The following ZNF106 variants were observed in gnomAD, a reference collection of about 807,000 sequenced individuals.
ZNF106 encodes the protein SH3-domain binding protein 3.
ZNF106 carries 67 observed loss-of-function variants against 195.1 expected under a neutral mutation model. The observed-to-expected ratio is 0.34, with a 90% CI of 0.28 to 0.42. ZNF106 has a LOEUF of 0.42. Among genes scored for constraint, ZNF106 ranks in the 10% least tolerant of loss-of-function variants. The pLI is 1.00. For synonymous variants in ZNF106, 784 were observed against 818.6 expected (o/e 0.96, Z 0.72); for missense variants, 2,118 against 2,304.5 (o/e 0.92, Z 1.66).
rs2054635589 is a variant in ZNF106 at position 42,421,046 on chromosome 15, A to G, written c.5517+15T>C. 2 of 1,613,450 alleles carry G rather than the reference A, an allele frequency of 1.2e-6. No homozygotes were observed. Among genetic ancestry groups the G allele is most frequent in the Non-Finnish European group, 1.7e-6 (2 of 1,179,378 alleles). On this transcript the variant is annotated intron_variant, in intron 20 of 21. Coordinates refer to ENST00000564754, the MANE Select transcript of ZNF106 (RefSeq NM_001366845.3). Reference sequence around the variant, plus strand: ...CCTATAGAAGTCCAGTGACAGGAAGAGTTTCACTCCTTACCCAACAGCGGT... The same window carrying G: ...CCTATAGAAGTCCAGTGACAGGAAGGGTTTCACTCCTTACCCAACAGCGGT...
chr15:42,475,854 G>T (rs1032211035), intron 1 of ZNF106, among the ~76,000 whole-genome samples: 1 of 152,232 alleles, frequency 6.6e-6, no homozygotes, highest in Middle Eastern at 3.4e-3. Context: ...AAACTTAGAA[G>T]CAATAAAGTC....
chr15:42,488,785 A>C (rs1305344502), intron 1 of ZNF106, among the ~76,000 whole-genome samples: 1 of 152,134 alleles, frequency 6.6e-6, no homozygotes, highest in African/African-American at 2.4e-5. Flanking sequence ...CTTTTAATCA[A>C]AACAATTGAG....
intron 1 of ZNF106, among the ~76,000 whole-genome samples, chr15:42,474,509 A>C: frequency 6.6e-6 from 1 of 152,198 alleles, no homozygotes; most frequent in East Asian, 1.9e-4. Flanking sequence ...CTGTAATCAC[A>C]GCACCTTGGG....
At position 42,473,385 on chromosome 15, in the gene ZNF106, C is replaced by T. The variant is rs1181368255; in HGVS notation, c.-32-1064G>A. On this transcript the variant is annotated intron_variant, in intron 1 of 21. Coordinates refer to ENST00000564754, the MANE Select transcript of ZNF106 (RefSeq NM_001366845.3). ...CAATATCTGTTTCTCTCTTCCTCTC[C>T]GAATCATTCGCATGCCCTCCCGTTC... Among the ~76,000 whole-genome samples, 3 of 152,134 alleles carry T rather than the reference C, an allele frequency of 2.0e-5. No homozygotes were observed. In the East Asian group the frequency reaches 5.8e-4, roughly 29 times the overall value.
rs374963027 is a variant in ZNF106, at chr15:42,457,122, T to G, written c.153A>C (p.Thr51=). Residue 51 remains threonine, a synonymous_variant, in exon 4 of 22, where the codon ACA becomes ACC. Transcript: ENST00000564754. ...ISHECRVCGV[T]EVGLSAYAKH... ...TTGCATATGCAGAAAGACCCACTTC[T>G]GTGACCCCGCACACTCGGCACTCAT... 6.2e-7 allele frequency: 1 copy of G among 1,614,034 alleles called. No homozygotes were observed. Among genetic ancestry groups the G allele is most frequent in the African/African-American group, 1.3e-5 (1 of 74,914 alleles).
intron 1 of ZNF106, among the ~76,000 whole-genome samples, chr15:42,476,676 T>C (rs2056790945): frequency 6.6e-6 from 1 of 152,090 alleles, no homozygotes; most frequent in Non-Finnish European, 1.5e-5. Flanking sequence ...AAGTGGATCA[T>C]CATAAAGGTC....
intron 1 of ZNF106, among the ~76,000 whole-genome samples, chr15:42,486,297 T>C (rs113623619): frequency 1.5e-3 from 225 of 151,366 alleles, no homozygotes; most frequent in African/African-American, 4.3e-3. Flanking sequence ...GTTTGTTCTA[T>C]CACCTGGGGT....
At chr15:42,425,808 A>G (rs2054832987) in intron 15 of ZNF106, 1 of 152,202 alleles carries the variant, frequency 6.6e-6, no homozygotes, top group African/African-American at 2.4e-5. Context: ...CCACCTTATT[A>G]TGATGTTCTT....
At chr15:42,432,707 TAAA>T (rs36106729) in intron 14 of ZNF106, among the ~76,000 whole-genome samples, 2,815 of 123,962 alleles carry the variant, frequency 0.023, 104 homozygotes, top group African/African-American at 0.075. Context: ...ACCGTATTTC[TAAA>T]AAAAAAAAAA....
rs770279074 is a variant in ZNF106, at chr15:42,444,230, A to G, written c.3393T>C (p.His1131=). The part of the protein sequence containing the change: ...ITMEMSALRT[H]RIQILQGLQE... ...GTAATCCCTGTAGAATCTGTATTCTATGGGTCCTCAGTGCACTCATCTCCA... is the reference window on the plus strand; with the variant it reads ...GTAATCCCTGTAGAATCTGTATTCTGTGGGTCCTCAGTGCACTCATCTCCA... Residue 1131 remains histidine, a synonymous_variant, in exon 9 of 22, where the codon CAT becomes CAC. Transcript: ENST00000564754. 6.2e-7 allele frequency: 1 copy of G among 1,610,514 alleles called. No homozygotes were observed. Among genetic ancestry groups the G allele is most frequent in the East Asian group, 2.2e-5 (1 of 44,852 alleles).
At chr15:42,419,885 G>A (rs1226627316) in intron 20 of ZNF106, among the ~76,000 whole-genome samples, 1 of 152,168 alleles carries the variant, frequency 6.6e-6, no homozygotes. Flanking sequence ...GGGAGTCGGA[G>A]GTTGCAGTGA....
rs2054363315 is a variant in ZNF106, at chr15:42,414,200, C to T, written c.*3104G>A. 6.6e-6 allele frequency: 1 copy of T among 152,142 alleles called. No individual in the cohort carries two copies. Among genetic ancestry groups the T allele is most frequent in the South Asian group, 2.1e-4 (1 of 4,836 alleles). The allele number at this position is 152,142 out of a possible 1,614,324, so 9.4% of individuals were successfully genotyped here. On this transcript the variant is annotated 3_prime_UTR_variant, in exon 22 of 22. Transcript: ENST00000564754. Reference sequence around the variant, plus strand: ...CACAGATCCCTGAGCCATAGCTCTTCTCTGAGGGGAAACAGGGTTATAATC... The same window carrying T: ...CACAGATCCCTGAGCCATAGCTCTTTTCTGAGGGGAAACAGGGTTATAATC...
chr15:42,486,527 AG>A (rs1332199347), intron 1 of ZNF106, among the ~76,000 whole-genome samples: 1 of 152,116 alleles, frequency 6.6e-6, no homozygotes, highest in Non-Finnish European at 1.5e-5. Context: ...CCAAAGTGCT[AG>A]GATTACAGGT....
Position 42,439,716 on chromosome 15 carries a change from C to T in ZNF106, c.3861G>A (p.Leu1287=). 6.2e-7 allele frequency: 1 copy of T among 1,613,896 alleles called. No individual in the cohort carries two copies. The highest frequency in any genetic ancestry group is 8.5e-7 in the Non-Finnish European group (1 of 1,179,952). Residue 1287 remains leucine (L), a synonymous_variant, in exon 11 of 22, where the codon CTG becomes CTA. Coordinates refer to ENST00000564754, the MANE Select transcript of ZNF106 (RefSeq NM_001366845.3). ...TATTTCTTTGCTCCACAGAAAACTT[C>T]AGTTCTTGGCTAGGCTCATGGAAAC... is the stretch of plus-strand genomic sequence containing the variant. ...TESFHEPSQE[L]KFSVEQRNTR...
chr15:42,489,604 A>G (rs559345261), intron 1 of ZNF106, among the ~76,000 whole-genome samples: 28 of 152,360 alleles, frequency 1.8e-4, no homozygotes, highest in African/African-American at 5.8e-4. Flanking sequence ...TGTAGTAGAT[A>G]CTAAATAAAT....
rs2055577662 is a variant in ZNF106, at chr15:42,442,383, C to G, written c.3453G>C (p.Gln1151His). ...ETYEPSEHPD[Q>H]VPCSLTRERR... is the part of the protein sequence containing the mutation. Reference sequence around the variant, plus strand: ...GTTCTCGTGTGAGGCTACAGGGAACCTGGTCTGGGTGCTCAGAAGGTTCAT... The same window carrying G: ...GTTCTCGTGTGAGGCTACAGGGAACGTGGTCTGGGTGCTCAGAAGGTTCAT... Residue 1151 changes from glutamine (Q) to histidine (H), a missense_variant, in exon 10 of 22, where the codon CAG (glutamine) becomes CAC (histidine). By Grantham distance (24) the Gln-to-His change is conservative. Transcript: ENST00000564754. 6.2e-7 allele frequency: 1 copy of G among 1,613,828 alleles called. No homozygotes were observed. Among genetic ancestry groups the G allele is most frequent in the East Asian group, 2.2e-5 (1 of 44,888 alleles).
At chr15:42,432,600 T>C (rs1256069670) in intron 14 of ZNF106, among the ~76,000 whole-genome samples, 1 of 151,668 alleles carries the variant, frequency 6.6e-6, no homozygotes, top group African/African-American at 2.4e-5. Context: ...TGCCTGGGCA[T>C]GGTGGTGCAT....
intron 14 of ZNF106, 64 bp downstream of exon 14, chr15:42,435,320 T>TC: frequency 6.2e-7 from 1 of 1,604,114 alleles, no homozygotes; most frequent in Non-Finnish European, 8.5e-7. Context: ...GTGTCTCCAC[T>TC]CCACACAGTA....
rs558832181 is a variant in ZNF106, at chr15:42,442,201, C to A, written c.3635G>T (p.Ser1212Ile). Residue 1212 changes from serine (S) to isoleucine (I), a missense_variant, in exon 10 of 22, where the codon AGT (serine) becomes ATT (isoleucine). By Grantham distance (142) the Ser-to-Ile change is moderately radical. Transcript: ENST00000564754. ...TTSPTFQTHGSVPAPDSSVQI... is the reference protein window; with the variant it reads ...TTSPTFQTHGIVPAPDSSVQI... ...AACTGATGAGTCTGGAGCAGGGACA[C>A]TGCCATGGGTTTGGAAAGTAGGAGA... The A allele has an allele frequency of 1.1e-5, 18 of 1,614,136 alleles. No homozygotes were observed. The highest frequency in any genetic ancestry group is 5.3e-5 in the African/African-American group (4 of 75,020).
Sources: gnomAD v4.1 joint callset for allele counts (sites outside exome capture counted in the v4.1 genomes callset) on GRCh38, gnomAD v4.1.1 for gene constraint, MANE v1.5 for transcripts, NCBI Gene and HGNC (gene_info 2026-07-23, HGNC 2026-07-21) for gene names.